The following GFRA1 variants were observed in gnomAD, a reference collection of about 807,000 sequenced individuals.
The protein encoded by GFRA1 is GDNF family receptor alpha-1.
Under a neutral mutation model 51.6 loss-of-function variants are expected in GFRA1, and 16 were observed. The ratio of observed to expected loss-of-function variants is 0.31; its 90% CI spans 0.21 to 0.47. The LOEUF (loss-of-function observed/expected upper bound fraction) is 0.47, where lower values mean the gene tolerates loss of function less well. Ranked by LOEUF, GFRA1 falls within the 20% of genes least tolerant of loss-of-function variation. The probability of loss-of-function intolerance (pLI) is 1.00; values close to 1 mark genes in which losing one functional copy is unlikely to be tolerated. For synonymous variants in GFRA1, 270 were observed against 241.3 expected, an observed-to-expected ratio of 1.12 and a Z score of -1.10; for missense variants, 530 against 594.3, an observed-to-expected ratio of 0.89 and a Z score of 1.13.
chr10:116,161,158 G>A (rs1459676013), intron 5 of GFRA1, among the ~76,000 whole-genome samples: 1 of 152,206 alleles, frequency 6.6e-6, no homozygotes, highest in Non-Finnish European at 1.5e-5. Context: ...TGACTGGATA[G>A]ACAGGAGGGG....
In GFRA1 at chr10:116,063,851, T is replaced by A. The variant is rs944479638; in HGVS notation, c.*547A>T. On this transcript the variant is annotated 3_prime_UTR_variant, in exon 11 of 11. Transcript: ENST00000355422. The stretch of plus-strand genomic sequence containing the variant: ...GCTAGTACATATATAAAGGTGAACA[T>A]CAGTACCAGCTGTTTCCACAAAGCC... 1 of 166,444 alleles carries A rather than the reference T, an allele frequency of 6.0e-6. No individual in the cohort carries two copies. The highest frequency in any genetic ancestry group is 2.4e-5 in the African/African-American group (1 of 41,580). The allele number at this position is 166,444 out of a possible 1,614,324, so 10.3% of individuals were successfully genotyped here.
At chr10:116,217,839 A>G (rs1180499965) in intron 4 of GFRA1, among the ~76,000 whole-genome samples, 1 of 152,224 alleles carries the variant, frequency 6.6e-6, no homozygotes, top group Non-Finnish European at 1.5e-5. Flanking sequence ...AGAGAACACG[A>G]TAACTGGTAC....
intron 6 of GFRA1, among the ~76,000 whole-genome samples, chr10:116,112,303 A>T: frequency 6.6e-6 from 1 of 152,194 alleles, no homozygotes; most frequent in East Asian, 1.9e-4. Context: ...TCCAATAGGA[A>T]TTCCGACTGC....
At chr10:116,252,670 C>T (rs141057093) in intron 4 of GFRA1, among the ~76,000 whole-genome samples, 1 of 152,308 alleles carries the variant, frequency 6.6e-6, no homozygotes, top group Non-Finnish European at 1.5e-5. Flanking sequence ...ACACGGACTA[C>T]CTGCCCTTCC....
rs1277192498 is a variant in GFRA1, at chr10:116,063,546, G to A, written c.*852C>T. On this transcript the variant is annotated 3_prime_UTR_variant, in exon 11 of 11. Transcript: ENST00000355422. ...GAAAGCCAATAGTTGAAATCATTTAGTAGTAAAATTTTTTTCTACATATAA... is the reference window on the plus strand; with the variant it reads ...GAAAGCCAATAGTTGAAATCATTTAATAGTAAAATTTTTTTCTACATATAA... 6.6e-6 allele frequency: 1 copy of A among 152,206 alleles called. No homozygotes were observed. Among genetic ancestry groups the A allele is most frequent in the African/African-American group, 2.4e-5 (1 of 41,448 alleles). 9.4% of individuals were successfully genotyped at this position (152,206 alleles called of 1,614,324 possible).
chr10:116,127,366 C>T (rs954142958), intron 5 of GFRA1, among the ~76,000 whole-genome samples: 2 of 152,214 alleles, frequency 1.3e-5, no homozygotes, highest in African/African-American at 2.4e-5. Flanking sequence ...ACTGAAGATG[C>T]GTCTTGCTTT....
chr10:116,239,355 T>C (rs1967164289), intron 4 of GFRA1, among the ~76,000 whole-genome samples: 1 of 152,212 alleles, frequency 6.6e-6, no homozygotes, highest in Admixed American at 6.5e-5. Context: ...GAAGTAAAAA[T>C]CTTTTTAAAG....
At chr10:116,257,297 G>GC (rs887605718) in intron 4 of GFRA1, among the ~76,000 whole-genome samples, 6 of 89,986 alleles carry the variant, frequency 6.7e-5, no homozygotes, top group African/African-American at 2.6e-4. Flanking sequence ...CCCCCACCCC[G>GC]CCCCCACCAC....
At chr10:116,134,813 C>T (rs1407452407) in intron 5 of GFRA1, among the ~76,000 whole-genome samples, 7 of 152,178 alleles carry the variant, frequency 4.6e-5, no homozygotes, top group South Asian at 4.1e-4. Context: ...TATCCATTAG[C>T]GCTTCCATTT....
In GFRA1 at chr10:116,064,336, C is replaced by A. The variant is rs1412343367; in HGVS notation, c.*62G>T. On this transcript the variant is annotated 3_prime_UTR_variant, in exon 11 of 11. Coordinates refer to ENST00000355422, the MANE Select transcript of GFRA1 (RefSeq NM_005264.8). ...CTGGAATTTCAGCTATACAAGAGAACAGGAAACAGATAACTTGGTTTTTGT... is the reference window on the plus strand; with the variant it reads ...CTGGAATTTCAGCTATACAAGAGAAAAGGAAACAGATAACTTGGTTTTTGT... 2.1e-6 allele frequency: 3 copies of A among 1,439,278 alleles called. No homozygotes were observed. Among genetic ancestry groups the A allele is most frequent in the Non-Finnish European group, 2.9e-6 (3 of 1,029,802 alleles). 89.2% of individuals were successfully genotyped at this position (1,439,278 alleles called of 1,614,324 possible).
chr10:116,098,607 C>T (rs1956699906), intron 6 of GFRA1, among the ~76,000 whole-genome samples: 1 of 152,204 alleles, frequency 6.6e-6, no homozygotes, highest in Admixed American at 6.5e-5. Flanking sequence ...AACCTGGCTG[C>T]TGAACAGCTC....
At chr10:116,158,814 C>A (rs1959434184) in intron 5 of GFRA1, among the ~76,000 whole-genome samples, 1 of 152,190 alleles carries the variant, frequency 6.6e-6, no homozygotes, top group African/African-American at 2.4e-5. Flanking sequence ...GCTGCAAAGG[C>A]AGTGGGTGCC....
intron 5 of GFRA1, among the ~76,000 whole-genome samples, chr10:116,161,818 T>A (rs1464194221): frequency 6.6e-6 from 1 of 152,226 alleles, no homozygotes; most frequent in African/African-American, 2.4e-5. Flanking sequence ...TGGCTATGTT[T>A]TATTAGCGTG....
At chr10:116,071,582 TGACA>T (rs1430392185) in intron 9 of GFRA1, among the ~76,000 whole-genome samples, 4 of 152,206 alleles carry the variant, frequency 2.6e-5, no homozygotes, top group Non-Finnish European at 4.4e-5. Context: ...GCCTTGAAGC[TGACA>T]GACAGGCTCC....
intron 4 of GFRA1, chr10:116,255,680 C>T: frequency 7.8e-7 from 1 of 1,289,126 alleles, no homozygotes. Flanking sequence ...CTGCCATCCC[C>T]TTCCAGAACT....
rs5788141 is a variant in GFRA1, at chr10:116,196,192, TAA to T, written c.433+15437_433+15438del. 4.6e-3 allele frequency among the ~76,000 whole-genome samples: 656 copies of T among 143,952 alleles called. 8 individuals are homozygous for T. Among genetic ancestry groups the T allele is most frequent in the African/African-American group, 0.016 (633 of 39,302 alleles). The allele number at this position is 143,952 out of a possible 152,430, so 94.4% of individuals were successfully genotyped here. ...CAACAAATTTACAAATTTGATGTCT[TAA>T]AAAAAAAAAAAACAGCTGGGCATGG... On this transcript the variant is annotated intron_variant, in intron 5 of 10. Coordinates refer to ENST00000355422, the MANE Select transcript of GFRA1 (RefSeq NM_005264.8).
At chr10:116,227,499 C>T (rs1050434218) in intron 4 of GFRA1, among the ~76,000 whole-genome samples, 1 of 152,208 alleles carries the variant, frequency 6.6e-6, no homozygotes, top group Non-Finnish European at 1.5e-5. Flanking sequence ...GTCATTATTT[C>T]CTTCTACAAA....
At chr10:116,129,979 G>T (rs10787623) in intron 5 of GFRA1, among the ~76,000 whole-genome samples, 54,135 of 150,756 alleles carry the variant, frequency 0.36, 9,957 homozygotes, top group East Asian at 0.41. Flanking sequence ...ATGGAATGAC[G>T]AAATCAAGCT....
chr10:116,194,530 C>T (rs972021563), intron 5 of GFRA1, among the ~76,000 whole-genome samples: 4 of 152,142 alleles, frequency 2.6e-5, no homozygotes, highest in African/African-American at 7.2e-5. Context: ...TTAGCCAGAT[C>T]GAGAGCTGGG....
Sources: allele counts gnomAD v4.1 joint callset (sites outside exome capture counted in the v4.1 genomes callset), GRCh38; gene constraint gnomAD v4.1.1; transcripts MANE v1.5; gene names NCBI Gene and HGNC (gene_info 2026-07-23, HGNC 2026-07-21).